EYA2: variants seen among roughly 807,000 people sequenced by gnomAD.
The protein encoded by EYA2 is EYA transcriptional coactivator and phosphatase 2.
A neutral mutation model predicts 69.2 loss-of-function variants in EYA2; 31 were observed. The observed-to-expected ratio is 0.45, with a 90% CI of 0.34 to 0.60. The LOEUF (loss-of-function observed/expected upper bound fraction) is 0.60. Among genes scored for constraint, EYA2 ranks in the 20% least tolerant of loss-of-function variants. The probability of loss-of-function intolerance (pLI) is 0.02; values close to 1 mark genes in which losing one functional copy is unlikely to be tolerated. For synonymous variants in EYA2, 257 were observed against 279.4 expected (o/e 0.92, Z 0.80); for missense variants, 622 against 701.2 (o/e 0.89, Z 1.28).
intron 1 of EYA2, among the ~76,000 whole-genome samples, chr20:46,989,455 G>GTT (rs1284476011): frequency 1.3e-5 from 2 of 152,168 alleles, no homozygotes; most frequent in African/African-American, 2.4e-5. Context: ...TGTTAGTAGA[G>GTT]ACGGCATTTC....
chr20:46,996,118 G>A (rs563567848), intron 2 of EYA2, among the ~76,000 whole-genome samples: 13 of 152,216 alleles, frequency 8.5e-5, no homozygotes, highest in Non-Finnish European at 1.9e-4. Context: ...ATAAACACTT[G>A]TTGACTGCGT....
chr20:46,912,608 T>C lies in EYA2; in HGVS notation c.-11+17621T>C, dbSNP rs374577164. 1.3e-4 allele frequency among the ~76,000 whole-genome samples: 20 copies of C among 152,118 alleles called. No homozygotes were observed. In the South Asian group the frequency reaches 4.2e-3, roughly 32 times the overall value. On this transcript the variant is annotated intron_variant, in intron 1 of 15. Coordinates refer to ENST00000327619, the MANE Select transcript of EYA2 (RefSeq NM_005244.5). ...AGCAAATAGTAAGACAGTCTTGGCA[T>C]TGCTATGGGGAAAAAGTAAGTAGAG...
intron 5 of EYA2, among the ~76,000 whole-genome samples, chr20:47,035,098 C>T (rs978949664): frequency 6.6e-6 from 1 of 152,336 alleles, no homozygotes; most frequent in East Asian, 1.9e-4. Context: ...GGACGCAACT[C>T]TACCCACGAC....
Position 47,005,061 on chromosome 20 carries a change from A to G in EYA2, c.275A>G (p.Gln92Arg), listed in dbSNP as rs751847852. The change falls in exon 4 of 16, where the codon CAA becomes CGA. Residue 92 changes from glutamine (Q) to arginine (R), a missense_variant. Coordinates refer to ENST00000327619, the MANE Select transcript of EYA2 (RefSeq NM_005244.5). ...TATACAGCTTACCCACCTCCAGCAC[A>G]AGCCTATGGAATCCCTTCCTACAGT... ...TPYTAYPPPA[Q>R]AYGIPSYSIK... The G allele has an allele frequency of 1.9e-6, 3 of 1,613,788 alleles. No homozygotes were observed. Among genetic ancestry groups the G allele is most frequent in the Middle Eastern group, 1.7e-4 (1 of 6,054 alleles).
intron 5 of EYA2, among the ~76,000 whole-genome samples, chr20:47,024,607 A>G (rs1983972019): frequency 6.6e-6 from 1 of 152,142 alleles, no homozygotes; most frequent in African/African-American, 2.4e-5. Context: ...TGCTCTGCCA[A>G]TTCCAGCCAC....
chr20:47,078,327 G>GCACACACA (rs1249113834), intron 7 of EYA2, among the ~76,000 whole-genome samples: 6,338 of 77,774 alleles, frequency 0.081, 198 homozygotes, highest in Admixed American at 0.16. Flanking sequence ...GTGCGCGCGC[G>GCACACACA]CGCGCACACA....
chr20:47,054,641 C>A (rs1250111825), intron 5 of EYA2, among the ~76,000 whole-genome samples: 10 of 152,126 alleles, frequency 6.6e-5, no homozygotes, highest in Admixed American at 5.2e-4. Context: ...GACACCTGGG[C>A]AGCCCAGGAC....
rs555990786 is a variant in EYA2, at chr20:47,162,670, C to T, written c.979-6469C>T. On this transcript the variant is annotated intron_variant, in intron 10 of 15. Coordinates refer to ENST00000327619, the MANE Select transcript of EYA2 (RefSeq NM_005244.5). ...AGTAGCTACAACTGTAGGTACATGT[C>T]GCTACACCTGGCTAATTTTTGTATT... Among the ~76,000 whole-genome samples, 39 of 151,824 alleles carry T rather than the reference C, an allele frequency of 2.6e-4. No individual in the cohort carries two copies. In the South Asian group the frequency reaches 6.9e-3, roughly 27 times the overall value.
At chr20:47,026,245 A>G (rs895330369) in intron 5 of EYA2, among the ~76,000 whole-genome samples, 2 of 152,232 alleles carry the variant, frequency 1.3e-5, no homozygotes, top group African/African-American at 2.4e-5. Flanking sequence ...GGAGAAAAGT[A>G]TCCATTCCTA....
intron 2 of EYA2, chr20:46,997,581 G>A (rs1297596682): frequency 3.3e-5 from 5 of 152,158 alleles, no homozygotes. Context: ...CCTGGGGGAG[G>A]ATGAAGAAGG....
chr20:47,105,367 G>A (rs1178787995), intron 9 of EYA2, among the ~76,000 whole-genome samples: 1 of 152,170 alleles, frequency 6.6e-6, no homozygotes, highest in Non-Finnish European at 1.5e-5. Flanking sequence ...GCCCATGCCT[G>A]TAATCCCAGC....
At chr20:47,147,907 A>G (rs545905219) in intron 10 of EYA2, among the ~76,000 whole-genome samples, 1 of 152,060 alleles carries the variant, frequency 6.6e-6, no homozygotes, top group South Asian at 2.1e-4. Context: ...AAAAATACAA[A>G]AATTAGCCAG....
intron 5 of EYA2, among the ~76,000 whole-genome samples, chr20:47,066,887 G>C (rs556471116): frequency 6.6e-6 from 1 of 152,114 alleles, no homozygotes; most frequent in African/African-American, 2.4e-5. Flanking sequence ...AAAGAGGTCA[G>C]TGTTTCACAT....
intron 10 of EYA2, among the ~76,000 whole-genome samples, chr20:47,166,047 A>G (rs1262449567): frequency 6.6e-6 from 1 of 152,098 alleles, no homozygotes; most frequent in Non-Finnish European, 1.5e-5. Flanking sequence ...AAGAAAAAAA[A>G]TGAATGAGGC....
At chr20:46,969,170 G>A (rs891892364) in intron 1 of EYA2, among the ~76,000 whole-genome samples, 6 of 152,086 alleles carry the variant, frequency 3.9e-5, no homozygotes, top group African/African-American at 1.2e-4. Flanking sequence ...GTCTTCCTCC[G>A]CTACTGGATT....
chr20:47,103,643 C>T (rs1037576996), intron 9 of EYA2, among the ~76,000 whole-genome samples: 6 of 151,996 alleles, frequency 3.9e-5, no homozygotes, highest in Admixed American at 2.0e-4. Context: ...CCTTGTAAAA[C>T]GATCAGACAT....
intron 9 of EYA2, chr20:47,117,466 T>G (rs954973066): frequency 1.0e-6 from 1 of 985,064 alleles, no homozygotes; most frequent in Non-Finnish European, 1.2e-6. Context: ...CTCGACCGGC[T>G]CCTCTGCCCT....
intron 7 of EYA2, among the ~76,000 whole-genome samples, chr20:47,074,909 C>T (rs1438846592): frequency 2.0e-5 from 3 of 152,120 alleles, no homozygotes; most frequent in Admixed American, 6.5e-5. Context: ...GTCAGGAGTT[C>T]GAGACCAGCC....
intron 4 of EYA2, among the ~76,000 whole-genome samples, chr20:47,009,875 T>G (rs952900379): frequency 6.6e-6 from 1 of 152,242 alleles, no homozygotes; most frequent in Non-Finnish European, 1.5e-5. Context: ...GTTTTAAAAC[T>G]TTACCTACAT....
Sources: allele counts gnomAD v4.1 joint callset (sites outside exome capture counted in the v4.1 genomes callset), GRCh38; gene constraint gnomAD v4.1.1; transcripts MANE v1.5; gene names NCBI Gene and HGNC (gene_info 2026-07-23, HGNC 2026-07-21).